The following TENM1 variants were observed in gnomAD, a reference collection of about 807,000 sequenced individuals.
TENM1 encodes teneurin transmembrane protein 1.
In TENM1, 35 loss-of-function variants were observed where a neutral mutation model predicts 174.8. The ratio of observed to expected loss-of-function variants is 0.20; its 90% CI spans 0.15 to 0.27. The LOEUF (loss-of-function observed/expected upper bound fraction) is 0.27. Ranked by LOEUF, TENM1 falls within the 10% of genes least tolerant of loss-of-function variation. The pLI, the probability that TENM1 is intolerant of heterozygous loss-of-function variation, is 1.00. For missense variants in TENM1, 1,633 were observed against 2,130.1 expected (o/e 0.77, Z 4.59); for synonymous variants, 781 against 798.7 (o/e 0.98, Z 0.37).
chrX:124,788,998 T>C (rs1189599766), intron 3 of TENM1, among the ~76,000 whole-genome samples: 1 of 112,344 alleles, frequency 8.9e-6, no homozygotes, highest in Non-Finnish European at 1.9e-5. Context: ...CTCTCCCCTA[T>C]AGCAAGCTTC....
chrX:124,624,091 A>G (rs1027795780), intron 11 of TENM1, among the ~76,000 whole-genome samples: 1 of 112,036 alleles, frequency 8.9e-6, no homozygotes, highest in Non-Finnish European at 1.9e-5. Context: ...ACAACCTTGC[A>G]AGATAGTGTT....
the TENM1 span, among the ~76,000 whole-genome samples, chrX:125,101,257 G>A: frequency 2.7e-5 from 3 of 111,719 alleles, no homozygotes; most frequent in African/African-American, 9.8e-5. Context: ...GGCAAACAGA[G>A]AGTCTAACAT....
At chrX:125,184,077 G>C in the TENM1 span, among the ~76,000 whole-genome samples, 1 of 111,525 alleles carries the variant, frequency 9.0e-6, no homozygotes, top group Non-Finnish European at 1.9e-5. Flanking sequence ...ACAAACAAGG[G>C]CTTTTCTACT....
chrX:125,134,733 A>T, the TENM1 span, among the ~76,000 whole-genome samples: 2 of 112,205 alleles, frequency 1.8e-5, no homozygotes, highest in African/African-American at 3.2e-5. Flanking sequence ...TGTCTCTGTA[A>T]TTCTCTTGGC....
chrX:125,110,352 C>T, the TENM1 span, among the ~76,000 whole-genome samples: 4 of 111,740 alleles, frequency 3.6e-5, no homozygotes, highest in African/African-American at 1.3e-4. Flanking sequence ...CAGAAACTGA[C>T]ATCCTTTACT....
At chrX:125,085,524 TCTAA>T in the TENM1 span, among the ~76,000 whole-genome samples, 6 of 111,322 alleles carry the variant, frequency 5.4e-5, no homozygotes, top group East Asian at 1.4e-3. Context: ...CCTCCAGAAG[TCTAA>T]CTGTGAGAGT....
chrX:124,847,589 G>C (rs1271823110), intron 3 of TENM1, among the ~76,000 whole-genome samples: 2 of 111,477 alleles, frequency 1.8e-5, no homozygotes, highest in Non-Finnish European at 3.8e-5. Context: ...AGAAAGCATG[G>C]AGTAAGGTCT....
At chrX:124,530,058 G>C in intron 15 of TENM1, 75 bp from the exon 19 acceptor site, 3 of 1,077,791 alleles carry the variant, frequency 2.8e-6, no homozygotes, top group Non-Finnish European at 3.7e-6. Flanking sequence ...TAGAAACTTT[G>C]GAAAACAGTC....
chrX:124,710,468 A>G (rs2053020019), intron 4 of TENM1, among the ~76,000 whole-genome samples: 1 of 111,949 alleles, frequency 8.9e-6, no homozygotes, highest in Non-Finnish European at 1.9e-5. Context: ...TTGGTATAAT[A>G]TTAAGAGGTG....
At chrX:124,664,080 A>C (rs956820041) in intron 6 of TENM1, among the ~76,000 whole-genome samples, 1 of 111,918 alleles carries the variant, frequency 8.9e-6, no homozygotes, top group African/African-American at 3.2e-5. Context: ...TTCGCCATCA[A>C]TCTTTAAAAA....
chrX:125,012,715 T>C, the TENM1 span, among the ~76,000 whole-genome samples: 2 of 112,019 alleles, frequency 1.8e-5, no homozygotes, highest in African/African-American at 3.2e-5. Context: ...CTACATTTAA[T>C]GTGAATTAGC....
At chrX:124,977,452 A>G in the TENM1 span, among the ~76,000 whole-genome samples, 1,985 of 111,564 alleles carry the variant, frequency 0.018, 48 homozygotes, top group African/African-American at 0.06. Context: ...TTGTTTTTCT[A>G]AATAGCATTA....
the TENM1 span, among the ~76,000 whole-genome samples, chrX:125,188,140 G>A: frequency 9.0e-6 from 1 of 111,089 alleles, no homozygotes; most frequent in African/African-American, 3.3e-5. Flanking sequence ...AGACCAGCCT[G>A]GGCAACAGAA....
the TENM1 span, among the ~76,000 whole-genome samples, chrX:125,143,218 T>A: frequency 9.0e-6 from 1 of 111,366 alleles, no homozygotes; most frequent in Non-Finnish European, 1.9e-5. Flanking sequence ...GATAAATGGG[T>A]TCCCAACAGA....
chrX:124,483,841 C>G (rs769835724), intron 21 of TENM1, among the ~76,000 whole-genome samples: 1 of 111,735 alleles, frequency 8.9e-6, no homozygotes, highest in African/African-American at 3.2e-5. Flanking sequence ...ACAGGAGAAA[C>G]AGAAGGAGAG....
intron 11 of TENM1, among the ~76,000 whole-genome samples, chrX:124,614,940 G>A (rs949234105): frequency 2.7e-5 from 3 of 111,875 alleles, no homozygotes; most frequent in Non-Finnish European, 5.6e-5. Flanking sequence ...CAAGGATAGA[G>A]ACCAGGAGGA....
chrX:124,866,578 T>C (rs1385850488), intron 3 of TENM1, among the ~76,000 whole-genome samples: 1 of 110,675 alleles, frequency 9.0e-6, no homozygotes, highest in African/African-American at 3.3e-5. Flanking sequence ...AAATTAACAA[T>C]CTAACCATGC....
chrX:124,659,457 C>G (rs1385524150), intron 6 of TENM1, among the ~76,000 whole-genome samples: 1 of 111,740 alleles, frequency 8.9e-6, no homozygotes. Flanking sequence ...AACTACAAGA[C>G]ATAATTGAAA....
chrX:124,783,254 A>C (rs1057226381), intron 3 of TENM1, among the ~76,000 whole-genome samples: 1 of 111,916 alleles, frequency 8.9e-6, no homozygotes, highest in Non-Finnish European at 1.9e-5. Flanking sequence ...ATATTGCAGA[A>C]AGATGATATA....
Sources: allele counts gnomAD v4.1 joint callset (sites outside exome capture counted in the v4.1 genomes callset), GRCh38; gene constraint gnomAD v4.1.1; transcripts MANE v1.5; gene names NCBI Gene and HGNC (gene_info 2026-07-23, HGNC 2026-07-21).